The following SHISA8 variants were observed in gnomAD, a reference collection of about 807,000 sequenced individuals.
SHISA8 encodes protein shisa-8.
SHISA8 carries 21 observed loss-of-function variants against 21.1 expected under a neutral mutation model. The ratio of observed to expected loss-of-function variants is 0.99; its 90% CI spans 0.71 to 1.43. The LOEUF (loss-of-function observed/expected upper bound fraction) is 1.43. SHISA8 is among the 40% of genes most tolerant of loss of function. SHISA8 has a pLI of 0.00. For missense variants in SHISA8, 535 were observed against 599.1 expected, an observed-to-expected ratio of 0.89 and a Z score of 1.12; for synonymous variants, 300 against 291.4, an observed-to-expected ratio of 1.03 and a Z score of -0.30.
In SHISA8 at chr22:41,910,017, C is replaced by A. The variant is rs1466850766; in HGVS notation, c.942G>T (p.Pro314=). The A allele has an allele frequency of 3.1e-6, 4 of 1,276,552 alleles. No individual in the cohort carries two copies. Among genetic ancestry groups the A allele is most frequent in the South Asian group, 3.0e-5 (1 of 33,290 alleles). The allele number at this position is 1,276,552 out of a possible 1,614,324, so 79.1% of individuals were successfully genotyped here. A position where few individuals can be genotyped will look rare whatever the true frequency, so the allele number is the denominator to read the frequency against. ...CCGGCGCGGCAGGGGGCGCGTAGACCGGCGGGGCCCAGGGGCAGGCGTCCA... is the reference window on the plus strand; with the variant it reads ...CCGGCGCGGCAGGGGGCGCGTAGACAGGCGGGGCCCAGGGGCAGGCGTCCA... The part of the protein sequence containing the change: ...APLDACPWAP[P]VYAPPAAPGP... Residue 314 remains proline (P), a synonymous_variant, in exon 4 of 4, where the codon CCG becomes CCT. Coordinates refer to ENST00000621082, the MANE Select transcript of SHISA8 (RefSeq NM_001207020.3). The surrounding 1 kb of genome is among the most constrained non-coding windows in gnomAD (Gnocchi z 6.8).
chr22:41,911,434 C>T, intron 1 of SHISA8, 85 bp from the exon 2 acceptor site: 1 of 1,227,820 alleles, frequency 8.1e-7, no homozygotes. Flanking sequence ...ACCGTGTGGC[C>T]CTGGGCAGTT....
chr22:41,912,114 G>C (rs1056303715), intron 1 of SHISA8, among the ~76,000 whole-genome samples: 8 of 152,332 alleles, frequency 5.3e-5, no homozygotes, highest in African/African-American at 1.9e-4. Flanking sequence ...GCCATCACGG[G>C]CATGAAGGAC....
rs1242698878 is a variant in SHISA8, at chr22:41,914,896, C to G, written c.-229G>C. ...GGGCTCACCTCGGACCCGAGCTGCCCGGTCCGCGTCCTGAGATCTTCCCCG... is the reference window on the plus strand; with the variant it reads ...GGGCTCACCTCGGACCCGAGCTGCCGGGTCCGCGTCCTGAGATCTTCCCCG... On this transcript the variant is annotated 5_prime_UTR_variant, in exon 1 of 4. Transcript: ENST00000621082. This position sits in a 1 kb window ranked among gnomAD's most constrained non-coding sequence, Gnocchi z 6.8. Among the ~76,000 whole-genome samples the G allele has an allele frequency of 2.0e-5, 3 of 151,450 alleles. No homozygotes were observed. The highest frequency in any genetic ancestry group is 2.0e-4 in the Admixed American group (3 of 15,232).
Position 41,914,368 on chromosome 22 carries a change from G to A in SHISA8, c.300C>T (p.Arg100=), listed in dbSNP as rs956880837. Reference sequence around the variant, plus strand: ...AGTTGGAACAGCGGCTCTGGTCGAGGCGCCGCGGCCCGTCGTGGCAGCAGA... The same window carrying A: ...AGTTGGAACAGCGGCTCTGGTCGAGACGCCGCGGCCCGTCGTGGCAGCAGA... ...YRFCCHDGPR[R]LDQSRCSNYD... is the part of the protein sequence containing the mutation. The change falls in exon 1 of 4, where the codon CGC becomes CGT. Residue 100 remains arginine (R), a synonymous_variant. Transcript: ENST00000621082. The surrounding 1 kb of genome is among the most constrained non-coding windows in gnomAD (Gnocchi z 6.8). 32 of 1,291,686 alleles carry A rather than the reference G, an allele frequency of 2.5e-5. No individual in the cohort carries two copies. Among genetic ancestry groups the A allele is most frequent in the Non-Finnish European group, 2.9e-5 (30 of 1,019,290 alleles). The allele number at this position is 1,291,686 out of a possible 1,614,324, so 80.0% of individuals were successfully genotyped here.
rs1180424214 is a variant in SHISA8 at position 41,914,272 on chromosome 22, G to A, written c.396C>T (p.Asp132=). ...CCGTATGGCTGCGCTCGCGGCCGGG[G>A]TCCCGGGGCGCTGCGGTGTCGCGGG... is the stretch of plus-strand genomic sequence containing the variant. ...ARARDTAAPR[D]PGRERSHTAV... The change falls in exon 1 of 4, where the codon GAC becomes GAT. Residue 132 remains aspartate, a synonymous_variant. Coordinates refer to ENST00000621082, the MANE Select transcript of SHISA8 (RefSeq NM_001207020.3). The surrounding 1 kb of genome is among the most constrained non-coding windows in gnomAD (Gnocchi z 6.8). The A allele has an allele frequency of 2.3e-6, 3 of 1,280,042 alleles. No individual in the cohort carries two copies. Among genetic ancestry groups the A allele is most frequent in the African/African-American group, 1.6e-5 (1 of 64,380 alleles). 79.3% of individuals were successfully genotyped at this position (1,280,042 alleles called of 1,614,324 possible). A position where few individuals can be genotyped will look rare whatever the true frequency, so the allele number is the denominator to read the frequency against.
intron 1 of SHISA8, among the ~76,000 whole-genome samples, chr22:41,912,991 G>T (rs888020345): frequency 6.6e-6 from 1 of 152,358 alleles, no homozygotes. Flanking sequence ...CCCATCATGG[G>T]GGACCCCCAA....
At chr22:41,912,665 A>G (rs2077560191) in intron 1 of SHISA8, among the ~76,000 whole-genome samples, 4 of 152,188 alleles carry the variant, frequency 2.6e-5, no homozygotes, top group Admixed American at 2.6e-4. Context: ...AGGGGAGGAC[A>G]GGGACTCAGG....
chr22:41,910,485 T>A lies in SHISA8; in HGVS notation c.734A>T (p.Gln245Leu). ...APGPPRGPRL[Q>L]GGGSLTLQPD... ...CTGCAGCGTCAGGCTGCCGCCGCCC[T>A]GCAGCCGCGGGCCGCGCGGGGGCCC... is the stretch of plus-strand genomic sequence containing the variant. Residue 245 changes from glutamine to leucine, a missense_variant, in exon 3 of 4, where the codon CAG (glutamine) becomes CTG (leucine). Transcript: ENST00000621082. This position sits in a 1 kb window ranked among gnomAD's most constrained non-coding sequence, Gnocchi z 6.8. 7.9e-7 allele frequency: 1 copy of A among 1,269,206 alleles called. No individual in the cohort carries two copies. Among genetic ancestry groups the A allele is most frequent in the Non-Finnish European group, 9.9e-7 (1 of 1,014,912 alleles). 78.6% of individuals were successfully genotyped at this position (1,269,206 alleles called of 1,614,324 possible).
In SHISA8 at chr22:41,910,346, G is replaced by C. The variant is rs1193214963; in HGVS notation, c.811+62C>G. 1.6e-6 allele frequency: 2 copies of C among 1,260,554 alleles called. No homozygotes were observed. Among genetic ancestry groups the C allele is most frequent in the African/African-American group, 3.1e-5 (2 of 64,038 alleles). The allele number at this position is 1,260,554 out of a possible 1,614,324, so 78.1% of individuals were successfully genotyped here. On this transcript the variant is annotated intron_variant, in intron 3 of 3. Coordinates refer to ENST00000621082, the MANE Select transcript of SHISA8 (RefSeq NM_001207020.3). This position sits in a 1 kb window ranked among gnomAD's most constrained non-coding sequence, Gnocchi z 6.8. ...TTGGCGCTTGGAGCTGCGGCCCCGCGCTTCGCAGTCCGGGAGCTCGTGCGC... is the reference window on the plus strand; with the variant it reads ...TTGGCGCTTGGAGCTGCGGCCCCGCCCTTCGCAGTCCGGGAGCTCGTGCGC...
chr22:41,910,423 C>T lies in SHISA8; in HGVS notation c.796G>A (p.Ala266Thr), dbSNP rs1374043658. Reference protein sequence around the residue: ...YAKYATFKAAALKAAEAAPRD... With the variant: ...YAKYATFKAATLKAAEAAPRD... ...CGCCACTCACCTGCGGCCTTGAGCG[C>T]GGCGGCCTTGAACGTGGCGTACTTG... The change falls in exon 3 of 4, where the codon GCG (alanine) becomes ACG (threonine). Residue 266 changes from alanine to threonine, a missense_variant. Coordinates refer to ENST00000621082, the MANE Select transcript of SHISA8 (RefSeq NM_001207020.3). The surrounding 1 kb of genome is among the most constrained non-coding windows in gnomAD (Gnocchi z 6.8). 58 of 1,358,702 alleles carry T rather than the reference C, an allele frequency of 4.3e-5. No homozygotes were observed. The East Asian group carries it at 1.7e-3, about 40-fold the overall frequency. 84.2% of individuals were successfully genotyped at this position (1,358,702 alleles called of 1,614,324 possible).
In SHISA8 at chr22:41,914,408, G is replaced by A. The variant is rs1444655855; in HGVS notation, c.260C>T (p.Thr87Met). ...SSGAYSFCCG[T>M]CGYRFCCHDG... ...GTGGCAGCAGAAGCGGTAGCCGCAC[G>A]TGCCGCAGCAGAAGCTGTAGGCTCC... The change falls in exon 1 of 4, where the codon ACG becomes ATG. Residue 87 changes from threonine (T) to methionine (M), a missense_variant. Coordinates refer to ENST00000621082, the MANE Select transcript of SHISA8 (RefSeq NM_001207020.3). The surrounding 1 kb of genome is among the most constrained non-coding windows in gnomAD (Gnocchi z 6.8). 3.0e-6 allele frequency: 4 copies of A among 1,337,254 alleles called. No homozygotes were observed. Among genetic ancestry groups the A allele is most frequent in the Non-Finnish European group, 3.8e-6 (4 of 1,040,604 alleles). The allele number at this position is 1,337,254 out of a possible 1,614,324, so 82.8% of individuals were successfully genotyped here.
rs1450926851 is a variant in SHISA8, at chr22:41,914,482, G to A, written c.186C>T (p.Gly62=). Residue 62 remains glycine, a synonymous_variant, in exon 1 of 4, where the codon GGC becomes GGT. Transcript: ENST00000621082. The surrounding 1 kb of genome is among the most constrained non-coding windows in gnomAD (Gnocchi z 6.8). The part of the protein sequence containing the change: ...TAPEGGDRCR[G]YYDVMGQWDP... ...CCCACTGGCCCATCACGTCGTAGTA[G>A]CCGCGGCAGCGGTCGCCCCCCTCCG... 6 of 1,304,214 alleles carry A rather than the reference G, an allele frequency of 4.6e-6. No individual in the cohort carries two copies. The African/African-American group carries it at 9.2e-5, about 20-fold the overall frequency. 80.8% of individuals were successfully genotyped at this position (1,304,214 alleles called of 1,614,324 possible). A position where few individuals can be genotyped will look rare whatever the true frequency, so the allele number is the denominator to read the frequency against.
intron 2 of SHISA8, 43 bp downstream of exon 2, chr22:41,911,173 C>A (rs920220267): frequency 3.4e-5 from 43 of 1,257,798 alleles, no homozygotes; most frequent in Non-Finnish European, 4.2e-5. Context: ...CACGCCCCTC[C>A]GCGTGCTCCG....
In SHISA8 at chr22:41,910,048, G is replaced by A. The variant is rs1275510363; in HGVS notation, c.911C>T (p.Ala304Val). 5 of 1,255,328 alleles carry A rather than the reference G, an allele frequency of 4.0e-6. No homozygotes were observed. The highest frequency in any genetic ancestry group is 5.0e-6 in the Non-Finnish European group (5 of 1,005,360). 77.8% of individuals were successfully genotyped at this position (1,255,328 alleles called of 1,614,324 possible). ...GGCCCAGGGGCAGGCGTCCAGCGGC[G>A]CAGGCAAGTCCGGGGATGGTCGCGG... ...RAPRPSPDLP[A>V]PLDACPWAPP... The change falls in exon 4 of 4, where the codon GCG becomes GTG. Residue 304 changes from alanine (A) to valine (V), a missense_variant. Coordinates refer to ENST00000621082, the MANE Select transcript of SHISA8 (RefSeq NM_001207020.3). The surrounding 1 kb of genome is among the most constrained non-coding windows in gnomAD (Gnocchi z 6.8).
Position 41,914,312 on chromosome 22 carries a change from C to A in SHISA8, c.356G>T (p.Arg119Leu). ...YDTPAWVQTG[R>L]PPARARDTAA... ...GGTGTCGCGGGCGCGGGCGGGCGGC[C>A]GGCCTGTCTGGACCCAGGCCGGCGT... Residue 119 changes from arginine to leucine, a missense_variant, in exon 1 of 4, where the codon CGG becomes CTG. Transcript: ENST00000621082. This position sits in a 1 kb window ranked among gnomAD's most constrained non-coding sequence, Gnocchi z 6.8. The A allele has an allele frequency of 4.0e-6, 5 of 1,242,330 alleles. No individual in the cohort carries two copies. The highest frequency in any genetic ancestry group is 5.0e-6 in the Non-Finnish European group (5 of 995,858). 77.0% of individuals were successfully genotyped at this position (1,242,330 alleles called of 1,614,324 possible).
At position 41,914,716 on chromosome 22, in the gene SHISA8, G is replaced by A; in HGVS notation, c.-49C>T. The A allele has an allele frequency of 3.0e-6, 3 of 1,003,358 alleles. No homozygotes were observed. The highest frequency in any genetic ancestry group is 4.7e-5 in the South Asian group (1 of 21,420). 62.2% of individuals were successfully genotyped at this position (1,003,358 alleles called of 1,614,324 possible). Reference sequence around the variant, plus strand: ...CGCCCGGTGCATGGCCGGGCGCCGCGGCTCCCTCCGGCTCGGCTCCTCCGC... The same window carrying A: ...CGCCCGGTGCATGGCCGGGCGCCGCAGCTCCCTCCGGCTCGGCTCCTCCGC... On this transcript the variant is annotated 5_prime_UTR_variant, in exon 1 of 4. Transcript: ENST00000621082. This position sits in a 1 kb window ranked among gnomAD's most constrained non-coding sequence, Gnocchi z 6.8.
Position 41,910,283 on chromosome 22 carries a change from G to A in SHISA8, c.811+125C>T, listed in dbSNP as rs376554500. 1.5e-3 allele frequency: 1,825 copies of A among 1,228,590 alleles called. 4 individuals carry two copies. The highest frequency in any genetic ancestry group is 1.8e-3 in the Non-Finnish European group (1,772 of 983,914). 76.1% of individuals were successfully genotyped at this position (1,228,590 alleles called of 1,614,324 possible). On this transcript the variant is annotated intron_variant, in intron 3 of 3. Transcript: ENST00000621082. The surrounding 1 kb of genome is among the most constrained non-coding windows in gnomAD (Gnocchi z 6.8). Reference sequence around the variant, plus strand: ...GGGCGGGGCCCGCTGGGGCGAGGGAGCCGATTGGCCGAGCGGCGGGCGCGC... The same window carrying A: ...GGGCGGGGCCCGCTGGGGCGAGGGAACCGATTGGCCGAGCGGCGGGCGCGC...
In SHISA8 at chr22:41,914,129, C is replaced by A; in HGVS notation, c.530+9G>T. Reference sequence around the variant, plus strand: ...AGCAGGCGGGGGTCCCTGGGCGGCGCGTGCTCACCTGGTCACTGTGCGCCG... The same window carrying A: ...AGCAGGCGGGGGTCCCTGGGCGGCGAGTGCTCACCTGGTCACTGTGCGCCG... On this transcript the variant is annotated intron_variant, in intron 1 of 3. Transcript: ENST00000621082. This position sits in a 1 kb window ranked among gnomAD's most constrained non-coding sequence, Gnocchi z 6.8. 7.2e-7 allele frequency: 1 copy of A among 1,394,770 alleles called. No homozygotes were observed. The highest frequency in any genetic ancestry group is 1.6e-5 in the South Asian group (1 of 63,708). The allele number at this position is 1,394,770 out of a possible 1,614,324, so 86.4% of individuals were successfully genotyped here. A position where few individuals can be genotyped will look rare whatever the true frequency, so the allele number is the denominator to read the frequency against.
chr22:41,909,879 C>T lies in SHISA8; in HGVS notation c.1080G>A (p.Gln360=). The T allele has an allele frequency of 6.5e-7, 1 of 1,529,926 alleles. No individual in the cohort carries two copies. The highest frequency in any genetic ancestry group is 8.7e-7 in the Non-Finnish European group (1 of 1,144,338). The allele number at this position is 1,529,926 out of a possible 1,614,324, so 94.8% of individuals were successfully genotyped here. The change falls in exon 4 of 4, where the codon CAG becomes CAA. Residue 360 remains glutamine (Q), a synonymous_variant. Coordinates refer to ENST00000621082, the MANE Select transcript of SHISA8 (RefSeq NM_001207020.3). The part of the protein sequence containing the change: ...PRRPGHAARR[Q]FSVKMPETFN... ...AGGTCTCAGGCATCTTCACACTGAA[C>T]TGGCGCCGGGCCGCGTGCCCGGGTC...
Sources: gnomAD v4.1 joint callset for allele counts (sites outside exome capture counted in the v4.1 genomes callset) on GRCh38, gnomAD v4.1.1 for gene constraint, Gnocchi (gnomAD v3.1) non-coding constraint, MANE v1.5 for transcripts, NCBI Gene and HGNC (gene_info 2026-07-23, HGNC 2026-07-21) for gene names.